ANKAR: variants seen among roughly 807,000 people sequenced by gnomAD.
ANKAR encodes the protein ankyrin and armadillo repeat containing.
ANKAR carries 136 observed loss-of-function variants against 146.2 expected under a neutral mutation model. The observed-to-expected ratio is 0.93, with a 90% CI of 0.81 to 1.07. The LOEUF (loss-of-function observed/expected upper bound fraction) is 1.07, where lower values mean the gene tolerates loss of function less well. Among genes scored for constraint, ANKAR ranks in the 50% least tolerant of loss-of-function variants. The pLI is 0.00. For missense variants in ANKAR, 1,567 were observed against 1,679.9 expected, an observed-to-expected ratio of 0.93 and a Z score of 1.18; for synonymous variants, 500 against 575.8, an observed-to-expected ratio of 0.87 and a Z score of 1.88.
At chr2:189,727,144 AAAG>A (rs1445673791) in intron 12 of ANKAR, among the ~76,000 whole-genome samples, 3 of 152,182 alleles carry the variant, frequency 2.0e-5, no homozygotes, top group Non-Finnish European at 2.9e-5. Context: ...TAAGTGGTTA[AAAG>A]AATATAGGAG....
intron 9 of ANKAR, among the ~76,000 whole-genome samples, chr2:189,708,318 ATTG>A (rs1165670536): frequency 6.6e-6 from 1 of 152,208 alleles, no homozygotes; most frequent in Admixed American, 6.5e-5. Flanking sequence ...ATTATTATAT[ATTG>A]TTGTAATCTA....
intron 9 of ANKAR, among the ~76,000 whole-genome samples, chr2:189,707,989 A>G (rs2039183981): frequency 1.3e-5 from 2 of 152,192 alleles, no homozygotes; most frequent in African/African-American, 4.8e-5. Context: ...TAACTAGGAA[A>G]GACCTAAAGA....
rs183954198 is a variant in ANKAR, at chr2:189,704,203, A to G, written c.1709-820A>G. Among the ~76,000 whole-genome samples, 4 of 150,420 alleles carry G rather than the reference A, an allele frequency of 2.7e-5. No homozygotes were observed. In the Admixed American group the frequency reaches 2.7e-4, roughly 10 times the overall value. On this transcript the variant is annotated intron_variant, in intron 7 of 22. Coordinates refer to ENST00000684021, the MANE Select transcript of ANKAR (RefSeq NM_001378068.1). ...ATTGCCCAGGCTGGAGTGCAGTGGC[A>G]TGATCTCTGCTCACTACAACCTCCG...
intron 18 of ANKAR, among the ~76,000 whole-genome samples, chr2:189,752,227 A>G (rs1345522759): frequency 6.6e-6 from 1 of 152,210 alleles, no homozygotes; most frequent in African/African-American, 2.4e-5. Flanking sequence ...GGAAACAGCT[A>G]TCTTTCGGCC....
intron 15 of ANKAR, among the ~76,000 whole-genome samples, chr2:189,729,698 G>GTA (rs2042225417): frequency 6.9e-6 from 1 of 144,626 alleles, no homozygotes; most frequent in South Asian, 2.3e-4. Flanking sequence ...AGCTGTGCGT[G>GTA]TGTGTGTGTG....
intron 12 of ANKAR, among the ~76,000 whole-genome samples, chr2:189,724,137 A>G (rs1351509921): frequency 6.6e-6 from 1 of 152,058 alleles, no homozygotes; most frequent in Non-Finnish European, 1.5e-5. Context: ...TATTCTTAAC[A>G]TTTCTGAGTT....
chr2:189,747,692 C>CTTAT (rs900133074), downstream of ANKAR, among the ~76,000 whole-genome samples: 5 of 151,934 alleles, frequency 3.3e-5, no homozygotes, highest in Non-Finnish European at 7.4e-5. Context: ...TACTTACTTA[C>CTTAT]TTATTTATTT....
chr2:189,678,074 C>T (rs932761058), intron 2 of ANKAR, among the ~76,000 whole-genome samples: 7 of 152,138 alleles, frequency 4.6e-5, no homozygotes, highest in African/African-American at 1.7e-4. Flanking sequence ...TGTAAGTATT[C>T]CCTTTTCACC....
intron 18 of ANKAR, chr2:189,752,582 T>C (rs894101495): frequency 3.3e-6 from 5 of 1,510,268 alleles, no homozygotes; most frequent in Admixed American, 1.7e-5. Context: ...AAACCTCATA[T>C]ATAAAGGCAA....
At chr2:189,705,618 G>A (rs16831884) in intron 8 of ANKAR, among the ~76,000 whole-genome samples, 2,843 of 152,202 alleles carry the variant, frequency 0.019, 87 homozygotes, top group African/African-American at 0.064. Context: ...GGGAGGAGAG[G>A]GTTGCTCCAA....
intron 19 of ANKAR, among the ~76,000 whole-genome samples, chr2:189,738,884 G>C (rs887952536): frequency 6.6e-6 from 1 of 152,140 alleles, no homozygotes; most frequent in Non-Finnish European, 1.5e-5. Flanking sequence ...AACAGAAGCT[G>C]AGTAACTCTG....
At chr2:189,707,337 G>A (rs12471217) in intron 9 of ANKAR, among the ~76,000 whole-genome samples, 191 bp downstream of exon 9, 87,892 of 150,502 alleles carry the variant, frequency 0.58, 29,565 homozygotes, top group South Asian at 0.76. Context: ...GTGTGCAAAC[G>A]TAGTTTTATT....
rs2042123251 is a variant in ANKAR, at chr2:189,728,751, A to G, written c.3123A>G (p.Leu1041=). ...ATGGAATTGCACCATTGGTTCGCTTACTAAGAATTAGTACGATTGCTGAAG... is the reference window on the plus strand; with the variant it reads ...ATGGAATTGCACCATTGGTTCGCTTGCTAAGAATTAGTACGATTGCTGAAG... ...EGNGIAPLVR[L]LRISTIAEGT... Residue 1041 remains leucine (L), a synonymous_variant, in exon 15 of 23, where the codon TTA becomes TTG. Transcript: ENST00000684021. The G allele has an allele frequency of 1.2e-6, 2 of 1,614,108 alleles. No homozygotes were observed. The highest frequency in any genetic ancestry group is 1.7e-6 in the Non-Finnish European group (2 of 1,179,960).
intron 12 of ANKAR, among the ~76,000 whole-genome samples, chr2:189,723,121 A>G (rs1330158293): frequency 6.6e-6 from 1 of 152,152 alleles, no homozygotes; most frequent in Non-Finnish European, 1.5e-5. Flanking sequence ...AAGGCATATT[A>G]TTAATTCCAG....
downstream of ANKAR, among the ~76,000 whole-genome samples, chr2:189,749,987 G>A (rs911529111): frequency 1.3e-5 from 2 of 152,144 alleles, no homozygotes; most frequent in African/African-American, 4.8e-5. Context: ...GCCAGACGTG[G>A]TGGTGGGCTC....
Position 189,695,019 on chromosome 2 carries a change from A to G in ANKAR, c.1346A>G (p.Gln449Arg). The G allele has an allele frequency of 1.9e-6, 3 of 1,563,872 alleles. No homozygotes were observed. Among genetic ancestry groups the G allele is most frequent in the Non-Finnish European group, 2.6e-6 (3 of 1,155,220 alleles). ...VIYFELETFY[Q>R]QLYKTQWWGA... ...TATTTTGAACTAGAAACTTTCTATC[A>G]GCAACTATATAAGACACAGTGGTGG... Residue 449 changes from glutamine to arginine, a missense_variant, in exon 6 of 23, where the codon CAG (glutamine) becomes CGG (arginine). Physicochemically the swap from Gln to Arg is conservative, Grantham distance 43. Transcript: ENST00000684021.
intron 10 of ANKAR, among the ~76,000 whole-genome samples, chr2:189,714,492 A>C (rs940418396): frequency 5.9e-5 from 9 of 152,240 alleles, no homozygotes; most frequent in African/African-American, 1.7e-4. Context: ...GAAACTGAAC[A>C]ACCTGCTCCT....
At chr2:189,730,976 G>A (rs1244367863) in intron 16 of ANKAR, among the ~76,000 whole-genome samples, 1 of 151,668 alleles carries the variant, frequency 6.6e-6, no homozygotes, top group East Asian at 1.9e-4. Context: ...TAGTGGGAAT[G>A]TGTGACTTAT....
chr2:189,705,097 G>T lies in ANKAR; in HGVS notation c.1783G>T (p.Asp595Tyr), dbSNP rs2038737775. 1 of 1,613,956 alleles carries T rather than the reference G, an allele frequency of 6.2e-7. No homozygotes were observed. Among genetic ancestry groups the T allele is most frequent in the African/African-American group, 1.3e-5 (1 of 74,910 alleles). Residue 595 changes from aspartate (D) to tyrosine (Y), a missense_variant, in exon 8 of 23, where the codon GAT (aspartate) becomes TAT (tyrosine). By Grantham distance (160) the Asp-to-Tyr change is radical. Transcript: ENST00000684021. Reference protein sequence around the residue: ...TTVCLLCSKADYTLSEKRGWM... With the variant: ...TTVCLLCSKAYYTLSEKRGWM... Reference sequence around the variant, plus strand: ...AGTTTGTCTACTGTGTTCCAAAGCTGATTACACGCTTTCTGAAAAAAGAGG... The same window carrying T: ...AGTTTGTCTACTGTGTTCCAAAGCTTATTACACGCTTTCTGAAAAAAGAGG...
Sources: gnomAD v4.1 joint callset for allele counts (sites outside exome capture counted in the v4.1 genomes callset) on GRCh38, gnomAD v4.1.1 for gene constraint, MANE v1.5 for transcripts, NCBI Gene and HGNC (gene_info 2026-07-23, HGNC 2026-07-21) for gene names.